Variants in ALKBH3 observed in about 807,000 individuals in gnomAD.
The protein encoded by ALKBH3 is alkB homolog 3, alpha-ketoglutarate dependent dioxygenase.
Under a neutral mutation model 43.9 loss-of-function variants are expected in ALKBH3, and 51 were observed. The ratio of observed to expected loss-of-function variants is 1.16; its 90% CI spans 0.93 to 1.47. The LOEUF (loss-of-function observed/expected upper bound fraction) is 1.47. Among genes scored for constraint, ALKBH3 ranks in the 40% most tolerant of loss-of-function variants. The probability of loss-of-function intolerance (pLI) is 0.00; values close to 1 mark genes in which losing one functional copy is unlikely to be tolerated. For synonymous variants in ALKBH3, 102 were observed against 115.2 expected (o/e 0.89, Z 0.73); for missense variants, 361 against 351.9 (o/e 1.03, Z -0.21).
At chr11:43,899,416 A>C (rs1951844588) in intron 7 of ALKBH3, 2 of 709,120 alleles carry the variant, frequency 2.8e-6, no homozygotes, top group Non-Finnish European at 2.7e-6. Flanking sequence ...ACAACTGTAA[A>C]GTGATGTACT....
At chr11:43,910,694 T>G (rs1951931543) in intron 8 of ALKBH3, among the ~76,000 whole-genome samples, 1 of 152,230 alleles carries the variant, frequency 6.6e-6, no homozygotes, top group Non-Finnish European at 1.5e-5. Context: ...TCATCTGAAT[T>G]CTTTCTTGAA....
chr11:43,915,155 C>T (rs1043440728), intron 8 of ALKBH3, among the ~76,000 whole-genome samples: 2 of 151,208 alleles, frequency 1.3e-5, no homozygotes, highest in African/African-American at 2.4e-5. Context: ...TTGCAGTGAG[C>T]CGAGATCACA....
chr11:43,900,215 A>AATTTTTTTTTTTTTTT (rs1554976906), intron 7 of ALKBH3, among the ~76,000 whole-genome samples: 1 of 87,150 alleles, frequency 1.1e-5, no homozygotes, highest in African/African-American at 4.5e-5. Flanking sequence ...TTTTAATTTA[A>AATTTTTTTTTTTTTTT]TTTTTTTTTT....
rs930114318 is a variant in ALKBH3, at chr11:43,901,632, T to C, written c.576T>C (p.Ser192=). ...AGAAGGACAGCGTGGACTGGCACAG[T>C]GATGATGAACCCTCACTAGGGAGGT... ...RNEKDSVDWH[S]DDEPSLGRCP... is the part of the protein sequence containing the mutation. The change falls in exon 8 of 10, where the codon AGT becomes AGC. Residue 192 remains serine (S), a synonymous_variant. Coordinates refer to ENST00000302708, the MANE Select transcript of ALKBH3 (RefSeq NM_139178.4). 1 of 1,614,234 alleles carries C rather than the reference T, an allele frequency of 6.2e-7. No homozygotes were observed.
At chr11:43,884,667 A>G (rs1190710266) in intron 4 of ALKBH3, among the ~76,000 whole-genome samples, 1 of 152,192 alleles carries the variant, frequency 6.6e-6, no homozygotes, top group African/African-American at 2.4e-5. Context: ...GCCCATGATC[A>G]ATCTGTTTGT....
intron 5 of ALKBH3, among the ~76,000 whole-genome samples, chr11:43,889,184 C>T (rs866206003): frequency 1.5e-4 from 23 of 152,208 alleles, no homozygotes; most frequent in African/African-American, 4.8e-4. Context: ...TGCGCCACCA[C>T]GCCCAGCTGA....
intron 4 of ALKBH3, among the ~76,000 whole-genome samples, chr11:43,884,948 A>G (rs34728583): frequency 6.6e-6 from 1 of 150,938 alleles, no homozygotes; most frequent in East Asian, 1.9e-4. Context: ...TAGAGATGGG[A>G]TCTCCCTATG....
chr11:43,887,713 A>C (rs1951755783), intron 5 of ALKBH3, among the ~76,000 whole-genome samples: 1 of 152,140 alleles, frequency 6.6e-6, no homozygotes, highest in South Asian at 2.1e-4. Context: ...ATTATACTTC[A>C]TGTATATTAC....
In ALKBH3 at chr11:43,888,085, C is replaced by CCATACGTGGCCTAGGATAGATT. The variant is rs1439456560; in HGVS notation, c.266+1432_266+1433insCATACGTGGCCTAGGATAGATT. 4.8e-4 allele frequency among the ~76,000 whole-genome samples: 46 copies of CCATACGTGGCCTAGGATAGATT among 96,698 alleles called. 7 individuals carry two copies. Among genetic ancestry groups the CCATACGTGGCCTAGGATAGATT allele is most frequent in the South Asian group, 1.3e-3 (4 of 3,196 alleles). The allele number at this position is 96,698 out of a possible 152,430, so 63.4% of individuals were successfully genotyped here. ...GTGCTGGGATTACAGGCATGAGCCA[C>CCATACGTGGCCTAGGATAGATT]TGCGCCTGGCAGTCTTTCTGTTTTT... On this transcript the variant is annotated intron_variant, in intron 5 of 9. Transcript: ENST00000302708.
chr11:43,891,280 C>T (rs1486051332), intron 6 of ALKBH3, among the ~76,000 whole-genome samples: 1 of 152,126 alleles, frequency 6.6e-6, no homozygotes, highest in African/African-American at 2.4e-5. Context: ...TAATTTTAAG[C>T]AAATTACAGT....
At chr11:43,897,398 T>C in intron 7 of ALKBH3, 1 of 725,420 alleles carries the variant, frequency 1.4e-6, no homozygotes, top group Non-Finnish European at 2.5e-6. Context: ...TAAAATACCA[T>C]ACTTAATGAT....
intron 7 of ALKBH3, among the ~76,000 whole-genome samples, chr11:43,892,930 A>C (rs557873910): frequency 1.3e-5 from 2 of 152,344 alleles, no homozygotes; most frequent in Admixed American, 6.5e-5. Flanking sequence ...TCACGTAAGG[A>C]GATAGCTGCA....
chr11:43,904,546 G>A lies in ALKBH3; in HGVS notation c.669+2821G>A, dbSNP rs529003802. ...CCATTTTTGTGTAAACAGGATACAA[G>A]TTTAAACTTTTGAAGATTCCTTCAG... On this transcript the variant is annotated intron_variant, in intron 8 of 9. Transcript: ENST00000302708. 3.9e-5 allele frequency among the ~76,000 whole-genome samples: 6 copies of A among 152,262 alleles called. No homozygotes were observed. In the East Asian group the frequency reaches 1.2e-3, roughly 29 times the overall value.
rs550783336 is a variant in ALKBH3 at position 43,904,678 on chromosome 11, G to A, written c.669+2953G>A. 1.2e-4 allele frequency among the ~76,000 whole-genome samples: 18 copies of A among 152,242 alleles called. No homozygotes were observed. In the South Asian group the frequency reaches 3.7e-3, roughly 32 times the overall value. ...TGGCCTTGGAAATATACCTTAAAGT[G>A]CATCATCTTTATCTTATAAATAATC... On this transcript the variant is annotated intron_variant, in intron 8 of 9. Transcript: ENST00000302708.
In ALKBH3 at chr11:43,901,707, GAGAA is replaced by G; in HGVS notation, c.656_659del (p.Lys219SerfsTer16). The G allele has an allele frequency of 6.2e-7, 1 of 1,614,208 alleles. No homozygotes were observed. Among genetic ancestry groups the G allele is most frequent in the East Asian group, 2.2e-5 (1 of 44,892 alleles). On this transcript the variant is annotated frameshift_variant, in exon 8 of 10. Coordinates refer to ENST00000302708, the MANE Select transcript of ALKBH3 (RefSeq NM_139178.4). LOFTEE classifies it high-confidence loss of function. Reference sequence around the variant, plus strand: ...TTGGTGCCACACGCACATTTGAGATGAGAAAGAAGCCACCACCAGTGAGTATTCT... The same window carrying G: ...TTGGTGCCACACGCACATTTGAGATGAGAAGCCACCACCAGTGAGTATTCT...
intron 8 of ALKBH3, among the ~76,000 whole-genome samples, chr11:43,915,657 A>G (rs1262959792): frequency 1.0e-5 from 1 of 96,420 alleles, no homozygotes; most frequent in African/African-American, 3.0e-5. Flanking sequence ...TGTGAGTTTA[A>G]AGGAAGGATA....
intron 8 of ALKBH3, among the ~76,000 whole-genome samples, chr11:43,915,256 T>C (rs1312280780): frequency 1.3e-5 from 2 of 151,720 alleles, no homozygotes; most frequent in Non-Finnish European, 2.9e-5. Context: ...ATCCAAGATC[T>C]CTAAGTTTGA....
At position 43,895,308 on chromosome 11, in the gene ALKBH3, G is replaced by A. The variant is rs189212536; in HGVS notation, c.459+3179G>A. On this transcript the variant is annotated intron_variant, in intron 7 of 9. Coordinates refer to ENST00000302708, the MANE Select transcript of ALKBH3 (RefSeq NM_139178.4). ...GCCAGGTGGAGATAATTGAATCATG[G>A]GGGCATTTTCCCCCTTACTGTTCTC... Among the ~76,000 whole-genome samples, 44 of 152,256 alleles carry A rather than the reference G, an allele frequency of 2.9e-4. No homozygotes were observed. In the East Asian group the frequency reaches 6.9e-3, roughly 24 times the overall value.
At chr11:43,917,601 C>T (rs988851356) in intron 8 of ALKBH3, among the ~76,000 whole-genome samples, 2 of 152,112 alleles carry the variant, frequency 1.3e-5, no homozygotes, top group African/African-American at 4.8e-5. Context: ...GCACTCCCTC[C>T]GGATATCTTT....
Sources: gnomAD v4.1 joint callset for allele counts (sites outside exome capture counted in the v4.1 genomes callset) on GRCh38, gnomAD v4.1.1 for gene constraint, MANE v1.5 for transcripts, NCBI Gene and HGNC (gene_info 2026-07-23, HGNC 2026-07-21) for gene names.